Variants in EIF4G3 observed in about 807,000 individuals in gnomAD.
The protein encoded by EIF4G3 is eukaryotic translation initiation factor 4 gamma 3.
A neutral mutation model predicts 186.4 loss-of-function variants in EIF4G3; 34 were observed. The ratio of observed to expected loss-of-function variants is 0.18; its 90% CI spans 0.14 to 0.24. The LOEUF is 0.24. Among genes scored for constraint, EIF4G3 ranks in the 10% least tolerant of loss-of-function variants. The pLI, the probability that EIF4G3 is intolerant of heterozygous loss-of-function variation, is 1.00. For synonymous variants in EIF4G3, 673 were observed against 679.5 expected, an observed-to-expected ratio of 0.99 and a Z score of 0.15; for missense variants, 1,536 against 1,948.5, an observed-to-expected ratio of 0.79 and a Z score of 3.99.
chr1:21,003,537 A>G (rs560007306), intron 4 of EIF4G3: 3 of 254,626 alleles, frequency 1.2e-5, no homozygotes, highest in Non-Finnish European at 2.4e-5. Context: ...AGTATGTATT[A>G]TGTTGCTAGA....
chr1:21,074,926 T>C (rs1444728321), intron 3 of EIF4G3, among the ~76,000 whole-genome samples: 1 of 152,004 alleles, frequency 6.6e-6, no homozygotes, highest in African/African-American at 2.4e-5. Context: ...AGTAAAGTAT[T>C]CGCCGGGGTG....
At chr1:20,813,500 T>C (rs1450138307) in intron 34 of EIF4G3, among the ~76,000 whole-genome samples, 2 of 151,466 alleles carry the variant, frequency 1.3e-5, no homozygotes, top group African/African-American at 4.9e-5. Context: ...TCCCAAGGGT[T>C]TGAGGCTGCA....
At chr1:20,917,141 C>T (rs911288300) in intron 14 of EIF4G3, among the ~76,000 whole-genome samples, 7 of 152,248 alleles carry the variant, frequency 4.6e-5, no homozygotes, top group East Asian at 1.9e-4. Flanking sequence ...AATCCATACT[C>T]GGCAATTTTT....
intron 14 of EIF4G3, among the ~76,000 whole-genome samples, chr1:20,922,120 C>T (rs2094528044): frequency 6.6e-6 from 1 of 152,178 alleles, no homozygotes. Flanking sequence ...CCTGCTTTTC[C>T]TATTTCCATA....
intron 16 of EIF4G3, 123 bp downstream of exon 16, chr1:20,899,574 G>A: frequency 1.6e-6 from 2 of 1,275,136 alleles, no homozygotes; most frequent in Non-Finnish European, 2.2e-6. Flanking sequence ...GATCTGTCCT[G>A]TAAATATTAT....
chr1:20,828,328 C>A (rs2064202838), intron 31 of EIF4G3, among the ~76,000 whole-genome samples: 2 of 151,970 alleles, frequency 1.3e-5, no homozygotes, highest in African/African-American at 4.8e-5. Context: ...TTGCGTCTGG[C>A]CATATATAAA....
intron 14 of EIF4G3, among the ~76,000 whole-genome samples, chr1:20,923,171 TG>T (rs769404908): frequency 2.6e-5 from 4 of 152,298 alleles, no homozygotes; most frequent in Non-Finnish European, 5.9e-5. Flanking sequence ...ATTTTTATCT[TG>T]GTTAAAGTTG....
chr1:20,837,061 C>A (rs1278041450), intron 30 of EIF4G3, among the ~76,000 whole-genome samples: 1 of 152,272 alleles, frequency 6.6e-6, no homozygotes, highest in Non-Finnish European at 1.5e-5. Context: ...AAGGAAAATT[C>A]CAAAGGACCT....
chr1:21,100,177 T>C (rs1448697380), intron 2 of EIF4G3, among the ~76,000 whole-genome samples: 6 of 152,154 alleles, frequency 3.9e-5, no homozygotes, highest in Non-Finnish European at 7.3e-5. Flanking sequence ...AGGCAGAAAG[T>C]AGATTAGTGG....
chr1:20,989,625 ATGATAAAACC>A (rs2080580571), intron 7 of EIF4G3, among the ~76,000 whole-genome samples: 1 of 150,682 alleles, frequency 6.6e-6, no homozygotes, highest in African/African-American at 2.4e-5. Flanking sequence ...TGAGAATCTC[ATGATAAAACC>A]TGAACAAATG....
rs750787028 is a variant in EIF4G3, at chr1:20,810,330, AT to A, written c.4744+407del. ...CCACCACACCCAGCTAATTTTTTGT[AT>A]TTTTAGTAGAGACAGGGTTTCACTG... On this transcript the variant is annotated intron_variant, in intron 36 of 36. Coordinates refer to ENST00000602326, the MANE Select transcript of EIF4G3 (RefSeq NM_001391906.1). The surrounding 1 kb of genome is among the most constrained non-coding windows in gnomAD (Gnocchi z 4.1). Among the ~76,000 whole-genome samples, 1 of 151,814 alleles carries A rather than the reference AT, an allele frequency of 6.6e-6. No homozygotes were observed. Among genetic ancestry groups the A allele is most frequent in the Non-Finnish European group, 1.5e-5 (1 of 67,952 alleles).
At chr1:20,822,622 C>G (rs1390602573) in intron 33 of EIF4G3, among the ~76,000 whole-genome samples, 32 of 138,708 alleles carry the variant, frequency 2.3e-4, no homozygotes, top group African/African-American at 8.6e-4. Flanking sequence ...GGGTCTTGCT[C>G]TGTTGCCTGG....
In EIF4G3 at chr1:20,941,506, T is replaced by C; in HGVS notation, c.1648A>G (p.Arg550Gly). The change falls in exon 14 of 37, where the codon AGG becomes GGG. Residue 550 changes from arginine to glycine, a missense_variant. By Grantham distance (125) the Arg-to-Gly change is moderately radical (BLOSUM62 -2). Around this residue, in one of 11 missense-constraint regions of EIF4G3, gnomAD observed 560 missense variants for 547.8 expected, o/e 1.02. Transcript: ENST00000602326. ...AATGGCTTACCTGGGACAGGGCTCC[T>C]TCTTGAATTTAAGTTTTGAGAATCC... ...ILDSQNLNSRRSPVPAQIAIT... is the reference protein window; with the variant it reads ...ILDSQNLNSRGSPVPAQIAIT... The C allele has an allele frequency of 6.2e-7, 1 of 1,609,900 alleles. No homozygotes were observed. The highest frequency in any genetic ancestry group is 1.3e-5 in the African/African-American group (1 of 74,824).
chr1:20,941,870 A>G lies in EIF4G3; in HGVS notation c.1284T>C (p.Ile428=). 2 of 1,614,154 alleles carry G rather than the reference A, an allele frequency of 1.2e-6. No individual in the cohort carries two copies. The highest frequency in any genetic ancestry group is 1.7e-6 in the Non-Finnish European group (2 of 1,180,024). ...ATACTTCCTGTTTTACTATTTCCAC[A>G]ATGCTCTCCGTGGCTGATAATTTTT... is the stretch of plus-strand genomic sequence containing the variant. The part of the protein sequence containing the change: ...VSEKLSATES[I]VEIVKQEVLP... Residue 428 remains isoleucine (I), a synonymous_variant, in exon 14 of 37, where the codon ATT becomes ATC. Transcript: ENST00000602326.
At chr1:21,071,634 C>T (rs577454741) in intron 3 of EIF4G3, among the ~76,000 whole-genome samples, 8 of 152,088 alleles carry the variant, frequency 5.3e-5, no homozygotes, top group South Asian at 4.2e-4. Flanking sequence ...GCATTGAAGA[C>T]CAGCTTGACC....
intron 2 of EIF4G3, among the ~76,000 whole-genome samples, chr1:21,163,811 G>A (rs1324004680): frequency 6.6e-6 from 1 of 152,092 alleles, no homozygotes; most frequent in Non-Finnish European, 1.5e-5. Flanking sequence ...TGGCTCTGTA[G>A]CCCAGGCTGG....
At chr1:21,018,196 C>A (rs1286604409) in intron 4 of EIF4G3, among the ~76,000 whole-genome samples, 1 of 152,126 alleles carries the variant, frequency 6.6e-6, no homozygotes, top group Non-Finnish European at 1.5e-5. Context: ...TGCCCCTGTA[C>A]TGACATCCCT....
chr1:20,961,875 A>G (rs1259344524), intron 12 of EIF4G3, among the ~76,000 whole-genome samples: 2 of 152,176 alleles, frequency 1.3e-5, no homozygotes, highest in African/African-American at 4.8e-5. Flanking sequence ...TAATTTAGTA[A>G]CCACTATTTT....
intron 2 of EIF4G3, chr1:21,169,598 T>C (rs566570574): frequency 1.7e-4 from 26 of 152,376 alleles, no homozygotes; most frequent in African/African-American, 6.3e-4. Context: ...AATAATAATA[T>C]TTGACTACAG....
Sources: allele counts gnomAD v4.1 joint callset (sites outside exome capture counted in the v4.1 genomes callset), GRCh38; gene constraint gnomAD v4.1.1; regional missense constraint gnomAD v4.1.1; non-coding constraint Gnocchi (gnomAD v3.1); transcripts MANE v1.5; gene names NCBI Gene and HGNC (gene_info 2026-07-23, HGNC 2026-07-21).